Variants in GNA15 observed in about 807,000 individuals in gnomAD.
The protein encoded by GNA15 is guanine nucleotide-binding protein subunit alpha-15.
GNA15 carries 23 observed loss-of-function variants against 40.1 expected under a neutral mutation model. That is an observed-to-expected ratio of 0.57 (90% CI 0.41 to 0.81). The LOEUF is 0.81. Among genes scored for constraint, GNA15 ranks in the 40% least tolerant of loss-of-function variants. The pLI is 0.00. For synonymous variants in GNA15, 226 were observed against 210.4 expected (o/e 1.07, Z -0.64); for missense variants, 522 against 515.8 (o/e 1.01, Z -0.12).
chr19:3,161,763 T>C (rs1375720268), intron 6 of GNA15, among the ~76,000 whole-genome samples: 1 of 152,186 alleles, frequency 6.6e-6, no homozygotes, highest in African/African-American at 2.4e-5. Context: ...TAAATAATAT[T>C]TGTGATAATA....
rs1303890249 is a variant in GNA15 at position 3,162,953 on chromosome 19, C to T, written c.1059C>T (p.Arg353=). ...YTCATDTQNI[R]KVFKDVRDSV... ...GTGCCACAGACACACAGAACATCCG[C>T]AAGGTCTTCAAGGACGTGCGGGACT... Residue 353 remains arginine, a synonymous_variant, in exon 7 of 7, where the codon CGC becomes CGT. Transcript: ENST00000262958. 3.7e-6 allele frequency: 6 copies of T among 1,614,116 alleles called. No homozygotes were observed. Among genetic ancestry groups the T allele is most frequent in the East Asian group, 2.2e-5 (1 of 44,878 alleles).
intron 1 of GNA15, among the ~76,000 whole-genome samples, chr19:3,144,267 C>T (rs1914646620): frequency 6.6e-6 from 1 of 152,096 alleles, no homozygotes; most frequent in Non-Finnish European, 1.5e-5. Flanking sequence ...CCCAAATAGC[C>T]AAAGCTCCAA....
intron 5 of GNA15, 68 bp downstream of exon 5, chr19:3,156,020 T>C (rs1915005954): frequency 1.4e-6 from 2 of 1,468,148 alleles, no homozygotes; most frequent in African/African-American, 1.4e-5. Context: ...CAGGAAGCTC[T>C]GGTGCAGAAA....
At chr19:3,156,050 G>T in intron 5 of GNA15, 98 bp downstream of exon 5, 1 of 1,176,448 alleles carries the variant, frequency 8.5e-7, no homozygotes, top group Non-Finnish European at 1.2e-6. Context: ...CCCTGCTCTT[G>T]AACGGGCCTG....
intron 4 of GNA15, among the ~76,000 whole-genome samples, chr19:3,152,382 G>A (rs974400586): frequency 4.6e-5 from 7 of 152,152 alleles, no homozygotes; most frequent in Admixed American, 3.9e-4. Flanking sequence ...GTGGGAATTA[G>A]AACAGGAAGT....
intron 5 of GNA15, among the ~76,000 whole-genome samples, 170 bp downstream of exon 5, chr19:3,156,122 C>T (rs1915007442): frequency 6.6e-6 from 1 of 151,396 alleles, no homozygotes; most frequent in Admixed American, 6.6e-5. Context: ...TTGCAGCAAC[C>T]CAAGACACAG....
At position 3,155,985 on chromosome 19, in the gene GNA15, G is replaced by A. The variant is rs1436381502; in HGVS notation, c.744+33G>A. 6.2e-7 allele frequency: 1 copy of A among 1,606,402 alleles called. No homozygotes were observed. The highest frequency in any genetic ancestry group is 8.5e-7 in the Non-Finnish European group (1 of 1,174,270). Reference sequence around the variant, plus strand: ...ACCGCCTCCCTCGCCCTGCCCACTTGTTGGCCCAGGGACCCTCACCTGAGC... The same window carrying A: ...ACCGCCTCCCTCGCCCTGCCCACTTATTGGCCCAGGGACCCTCACCTGAGC... On this transcript the variant is annotated intron_variant, in intron 5 of 6. Coordinates refer to ENST00000262958, the MANE Select transcript of GNA15 (RefSeq NM_002068.4). The surrounding 1 kb of genome is among the most constrained non-coding windows in gnomAD (Gnocchi z 5.6).
At chr19:3,137,755 C>A (rs967373371) in intron 1 of GNA15, among the ~76,000 whole-genome samples, 1 of 151,920 alleles carries the variant, frequency 6.6e-6, no homozygotes, top group African/African-American at 2.4e-5. Context: ...GCACTCCAGA[C>A]TGGCGACAGA....
chr19:3,148,861 C>CGG (rs1914801058), intron 2 of GNA15, 86 bp downstream of exon 2: 42 of 1,369,986 alleles, frequency 3.1e-5, no homozygotes, highest in Non-Finnish European at 4.0e-5. Flanking sequence ...CCAAGTTCCC[C>CGG]AGACTTCAGG....
At chr19:3,149,896 T>C (rs1251709931) in intron 2 of GNA15, 1 of 475,516 alleles carries the variant, frequency 2.1e-6, no homozygotes, top group East Asian at 3.9e-5. Flanking sequence ...CCCGAGCACA[T>C]GTGCCCTCTG....
At position 3,162,674 on chromosome 19, in the gene GNA15, A is replaced by G. The variant is rs552534524; in HGVS notation, c.899-119A>G. On this transcript the variant is annotated intron_variant, in intron 6 of 6. Transcript: ENST00000262958. Reference sequence around the variant, plus strand: ...ACAAAAGATGGAGTCAACGCACAGAAAAATGACAGGCGCGATCCCTGGGTC... The same window carrying G: ...ACAAAAGATGGAGTCAACGCACAGAGAAATGACAGGCGCGATCCCTGGGTC... 47 of 652,308 alleles carry G rather than the reference A, an allele frequency of 7.2e-5. No homozygotes were observed. The East Asian group carries it at 1.2e-3, about 17-fold the overall frequency. 40.4% of individuals were successfully genotyped at this position (652,308 alleles called of 1,614,324 possible).
At chr19:3,148,851 CCA>C in intron 2 of GNA15, 76 bp downstream of exon 2, 1 of 1,401,610 alleles carries the variant, frequency 7.1e-7, no homozygotes, top group Non-Finnish European at 9.6e-7. Context: ...CGGAGCAGGG[CCA>C]AGTTCCCCAG....
chr19:3,162,831 C>G lies in GNA15; in HGVS notation c.937C>G (p.Leu313Val), dbSNP rs775924021. Reference protein sequence around the residue: ...QDAEAAKRFILDMYTRMYTGC... With the variant: ...QDAEAAKRFIVDMYTRMYTGC... ...TGCTGAGGCAGCCAAGAGGTTCATC[C>G]TGGACATGTACACGAGGATGTACAC... The change falls in exon 7 of 7, where the codon CTG (leucine) becomes GTG (valine). Residue 313 changes from leucine (L) to valine (V), a missense_variant. Transcript: ENST00000262958. The G allele has an allele frequency of 3.1e-6, 5 of 1,614,064 alleles. No homozygotes were observed. The highest frequency in any genetic ancestry group is 4.2e-6 in the Non-Finnish European group (5 of 1,179,970).
chr19:3,148,483 T>C, intron 1 of GNA15, 108 bp from the exon 2 acceptor site: 1 of 1,123,018 alleles, frequency 8.9e-7, no homozygotes, highest in Non-Finnish European at 1.2e-6. Context: ...CACCGGGGTT[T>C]GAACCCAGGA....
chr19:3,152,517 C>T (rs1227811513), intron 4 of GNA15, among the ~76,000 whole-genome samples: 1 of 152,084 alleles, frequency 6.6e-6, no homozygotes, highest in South Asian at 2.1e-4. Flanking sequence ...CCTAGGGGGA[C>T]TCCACCTTAG....
rs1430336026 is a variant in GNA15 at position 3,145,354 on chromosome 19, TATATA to T, written c.146-3236_146-3232del. On this transcript the variant is annotated intron_variant, in intron 1 of 6. Coordinates refer to ENST00000262958, the MANE Select transcript of GNA15 (RefSeq NM_002068.4). ...CTGACTAAATATATATATATATATA[TATATA>T]TTTTTTTTTTTTTGTAGAGATGGGG... is the stretch of plus-strand genomic sequence containing the variant. Among the ~76,000 whole-genome samples the T allele has an allele frequency of 1.4e-3, 51 of 35,964 alleles. 1 individual carries two copies. Among genetic ancestry groups the T allele is most frequent in the African/African-American group, 6.1e-3 (33 of 5,434 alleles). 23.6% of individuals were successfully genotyped at this position (35,964 alleles called of 152,430 possible).
chr19:3,144,784 T>TC (rs1277177807), intron 1 of GNA15, among the ~76,000 whole-genome samples: 1 of 151,610 alleles, frequency 6.6e-6, no homozygotes, highest in African/African-American at 2.4e-5. Context: ...CGCCTTGGCC[T>TC]CCCATAGTGC....
chr19:3,154,444 G>A (rs1324001863), intron 4 of GNA15, among the ~76,000 whole-genome samples: 5 of 149,818 alleles, frequency 3.3e-5, no homozygotes, highest in African/African-American at 1.2e-4. Flanking sequence ...TGGATAGATG[G>A]GTAGATGGAT....
chr19:3,145,163 AT>A (rs531492595), intron 1 of GNA15, among the ~76,000 whole-genome samples: 1 of 137,078 alleles, frequency 7.3e-6, no homozygotes, highest in Admixed American at 7.3e-5. Context: ...CTAGTTTTTA[AT>A]TTTTTTTGGA....
Sources: allele counts gnomAD v4.1 joint callset (sites outside exome capture counted in the v4.1 genomes callset), GRCh38; gene constraint gnomAD v4.1.1; non-coding constraint Gnocchi (gnomAD v3.1); transcripts MANE v1.5; gene names NCBI Gene and HGNC (gene_info 2026-07-23, HGNC 2026-07-21).